RBM47: variants seen among roughly 807,000 people sequenced by gnomAD.
RBM47 encodes RNA binding motif protein 47, also known as RNA-binding protein 47.
Under a neutral mutation model 47.1 loss-of-function variants are expected in RBM47, and 21 were observed. The observed-to-expected ratio is 0.45, with a 90% CI of 0.32 to 0.64. The LOEUF (loss-of-function observed/expected upper bound fraction) is 0.64, where lower values mean the gene tolerates loss of function less well. Among genes scored for constraint, RBM47 ranks in the 30% least tolerant of loss-of-function variants. RBM47 has a pLI of 0.05. For missense variants in RBM47, 708 were observed against 870.9 expected, an observed-to-expected ratio of 0.81 and a Z score of 2.35; for synonymous variants, 375 against 361.7, an observed-to-expected ratio of 1.04 and a Z score of -0.42.
intron 3 of RBM47, among the ~76,000 whole-genome samples, chr4:40,456,936 C>T (rs867352583): frequency 2.0e-5 from 3 of 151,238 alleles, no homozygotes; most frequent in Non-Finnish European, 3.0e-5. Context: ...AGAAGGAGGG[C>T]GATCATGTGC....
At chr4:40,497,340 C>T (rs551638511) in intron 2 of RBM47, among the ~76,000 whole-genome samples, 30 of 152,232 alleles carry the variant, frequency 2.0e-4, no homozygotes, top group African/African-American at 6.7e-4. Context: ...AGCAAAGGGC[C>T]GGGCATGGTG....
intron 1 of RBM47, among the ~76,000 whole-genome samples, chr4:40,604,023 T>C (rs1459621811): frequency 1.3e-5 from 2 of 152,222 alleles, no homozygotes; most frequent in Non-Finnish European, 2.9e-5. Flanking sequence ...GCACTGATCA[T>C]GTTCATTTCA....
chr4:40,566,044 G>C (rs909781871), intron 1 of RBM47, among the ~76,000 whole-genome samples: 2 of 151,802 alleles, frequency 1.3e-5, no homozygotes, highest in Non-Finnish European at 2.9e-5. Context: ...CTCCAGCCTG[G>C]GTAACAGAGC....
At chr4:40,569,655 C>T (rs1477840882) in intron 1 of RBM47, among the ~76,000 whole-genome samples, 5 of 151,580 alleles carry the variant, frequency 3.3e-5, no homozygotes, top group Admixed American at 2.0e-4. Flanking sequence ...GTGATCCGCC[C>T]GCCTTGGCCT....
intron 2 of RBM47, among the ~76,000 whole-genome samples, chr4:40,509,030 G>C (rs1003709956): frequency 2.6e-5 from 4 of 151,942 alleles, no homozygotes; most frequent in African/African-American, 9.7e-5. Flanking sequence ...GTGTGGTGGC[G>C]CGTGCCTGTA....
At chr4:40,598,217 T>C (rs897189314) in intron 1 of RBM47, among the ~76,000 whole-genome samples, 3 of 152,172 alleles carry the variant, frequency 2.0e-5, no homozygotes, top group Non-Finnish European at 4.4e-5. Context: ...ACAGGAGATT[T>C]ACCATTGACC....
At chr4:40,539,860 C>T (rs1299209294) in intron 2 of RBM47, among the ~76,000 whole-genome samples, 1 of 147,074 alleles carries the variant, frequency 6.8e-6, no homozygotes, top group Non-Finnish European at 1.5e-5. Flanking sequence ...AAATGAGCTA[C>T]AATTCCAAAA....
intron 2 of RBM47, among the ~76,000 whole-genome samples, chr4:40,534,672 C>G (rs992498150): frequency 2.0e-5 from 3 of 152,046 alleles, no homozygotes; most frequent in Non-Finnish European, 4.4e-5. Flanking sequence ...CGGTGGCTCA[C>G]GCCTGTAATC....
intron 1 of RBM47, among the ~76,000 whole-genome samples, chr4:40,546,712 C>A (rs1441337851): frequency 6.6e-6 from 1 of 152,192 alleles, no homozygotes; most frequent in African/African-American, 2.4e-5. Flanking sequence ...CCACAGAAAC[C>A]TGGCATTTGA....
At chr4:40,531,848 G>A (rs140591095) in intron 2 of RBM47, among the ~76,000 whole-genome samples, 2,251 of 152,120 alleles carry the variant, frequency 0.015, 49 homozygotes, top group African/African-American at 0.051. Context: ...ATGGTAGTGC[G>A]AATGAAGAGG....
At chr4:40,610,481 G>A (rs1339391832) in intron 1 of RBM47, among the ~76,000 whole-genome samples, 2 of 151,476 alleles carry the variant, frequency 1.3e-5, no homozygotes, top group Non-Finnish European at 2.9e-5. Flanking sequence ...TCGGTGGCGG[G>A]TGCCTGTAGT....
intron 1 of RBM47, among the ~76,000 whole-genome samples, chr4:40,554,191 A>G (rs1464058060): frequency 6.6e-6 from 1 of 152,062 alleles, no homozygotes; most frequent in East Asian, 1.9e-4. Flanking sequence ...ACTTCCTCTC[A>G]TTACTGTCCC....
At chr4:40,437,152 A>T (rs1970851) in intron 4 of RBM47, among the ~76,000 whole-genome samples, 36,674 of 78,272 alleles carry the variant, frequency 0.47, 10,001 homozygotes, top group South Asian at 0.64. Context: ...TATATATATA[A>T]AATACATATA....
At chr4:40,442,521 GTA>G (rs1434030475) in intron 3 of RBM47, among the ~76,000 whole-genome samples, 1 of 152,046 alleles carries the variant, frequency 6.6e-6, no homozygotes, top group East Asian at 1.9e-4. Context: ...CCACTTCTAG[GTA>G]TATACCCAAA....
At chr4:40,593,289 C>G (rs1003428253) in intron 1 of RBM47, among the ~76,000 whole-genome samples, 1 of 151,366 alleles carries the variant, frequency 6.6e-6, no homozygotes, top group African/African-American at 2.4e-5. Context: ...TGAGCCGGGA[C>G]ATACATTTTT....
At chr4:40,607,428 G>A (rs1004653988) in intron 1 of RBM47, among the ~76,000 whole-genome samples, 10 of 152,180 alleles carry the variant, frequency 6.6e-5, no homozygotes, top group South Asian at 2.1e-4. Context: ...GGAATAGGGC[G>A]GAGCATGGTG....
Position 40,425,804 on chromosome 4 carries a change from T to C in RBM47, c.*100A>G. Reference sequence around the variant, plus strand: ...ATAAATCTGCTAACATTCTTCACTTTCAGGTTGCATGTGTGAATCCAACAT... The same window carrying C: ...ATAAATCTGCTAACATTCTTCACTTCCAGGTTGCATGTGTGAATCCAACAT... On this transcript the variant is annotated 3_prime_UTR_variant, in exon 7 of 7. Transcript: ENST00000295971. 1.4e-6 allele frequency: 2 copies of C among 1,445,742 alleles called. No homozygotes were observed. The allele number at this position is 1,445,742 out of a possible 1,614,324, so 89.6% of individuals were successfully genotyped here.
intron 3 of RBM47, among the ~76,000 whole-genome samples, chr4:40,439,864 C>T (rs1400658322): frequency 2.0e-5 from 3 of 152,102 alleles, no homozygotes; most frequent in African/African-American, 7.2e-5. Flanking sequence ...TTTTTTCTTC[C>T]AAACCAATGC....
At chr4:40,479,617 A>AATAT (rs1553887248) in intron 2 of RBM47, among the ~76,000 whole-genome samples, 2 of 151,476 alleles carry the variant, frequency 1.3e-5, no homozygotes, top group African/African-American at 4.9e-5. Flanking sequence ...TAAATAAATA[A>AATAT]ATATATAAAT....
Sources: allele counts gnomAD v4.1 joint callset (sites outside exome capture counted in the v4.1 genomes callset), GRCh38; gene constraint gnomAD v4.1.1; transcripts MANE v1.5; gene names NCBI Gene and HGNC (gene_info 2026-07-23, HGNC 2026-07-21).